THSD7A: variants seen among roughly 807,000 people sequenced by gnomAD.
THSD7A encodes thrombospondin type-1 domain-containing protein 7A.
Under a neutral mutation model 231.3 loss-of-function variants are expected in THSD7A, and 96 were observed. The ratio of observed to expected loss-of-function variants is 0.41; its 90% CI spans 0.35 to 0.49. The LOEUF (loss-of-function observed/expected upper bound fraction) is 0.49. THSD7A is among the 20% of genes least tolerant of loss of function. The pLI, the probability that THSD7A is intolerant of heterozygous loss-of-function variation, is 0.05. For synonymous variants in THSD7A, 940 were observed against 743.3 expected (o/e 1.26, Z -4.30); for missense variants, 2,290 against 2,070.2 (o/e 1.11, Z -2.06).
At position 11,424,720 on chromosome 7, in the gene THSD7A, T is replaced by TCTC. The variant is rs768761187; in HGVS notation, c.3356_3358dup (p.Gly1119dup). ...CCTCACTTTTCGGGTTTGCACGCCC[T>TCTC]CTCCACAGTTCTCCCGCATATTCAC... On this transcript the variant is annotated inframe_insertion, in exon 16 of 28. Coordinates refer to ENST00000423059, the MANE Select transcript of THSD7A (RefSeq NM_015204.3). 22 of 1,613,876 alleles carry TCTC rather than the reference T, an allele frequency of 1.4e-5. No homozygotes were observed. Among genetic ancestry groups the TCTC allele is most frequent in the Non-Finnish European group, 1.9e-5 (22 of 1,179,898 alleles).
chr7:11,379,493 T>A, intron 25 of THSD7A, 137 bp downstream of exon 25: 1 of 914,170 alleles, frequency 1.1e-6, no homozygotes, highest in Non-Finnish European at 1.7e-6. Flanking sequence ...ACTTTTTAGA[T>A]TGATAAAAGG....
At chr7:11,465,749 CTTCT>C (rs781571643) in intron 9 of THSD7A, among the ~76,000 whole-genome samples, 62 of 152,074 alleles carry the variant, frequency 4.1e-4, no homozygotes, top group Non-Finnish European at 3.7e-4. Flanking sequence ...TGCAATATTC[CTTCT>C]ATTTCTCAAC....
At chr7:11,762,935 A>G (rs1428587350) in intron 1 of THSD7A, among the ~76,000 whole-genome samples, 3 of 152,176 alleles carry the variant, frequency 2.0e-5, no homozygotes, top group Non-Finnish European at 4.4e-5. Flanking sequence ...GTCATTTTTC[A>G]CAGAATTAAA....
chr7:11,819,599 G>T (rs1334899498), intron 1 of THSD7A, among the ~76,000 whole-genome samples: 2 of 152,130 alleles, frequency 1.3e-5, no homozygotes, highest in Non-Finnish European at 2.9e-5. Flanking sequence ...ACTATATAAC[G>T]TTCTCCAAAA....
chr7:11,628,560 C>G (rs1446380410), intron 2 of THSD7A, among the ~76,000 whole-genome samples: 1 of 152,152 alleles, frequency 6.6e-6, no homozygotes, highest in Non-Finnish European at 1.5e-5. Context: ...CTTTCTCTCT[C>G]TCTCTCTGTA....
intron 1 of THSD7A, among the ~76,000 whole-genome samples, chr7:11,713,124 T>C (rs539969524): frequency 6.9e-4 from 104 of 151,176 alleles, no homozygotes; most frequent in Non-Finnish European, 1.2e-3. Context: ...TCCAAAGCCA[T>C]GGCTCATTAA....
intron 11 of THSD7A, among the ~76,000 whole-genome samples, chr7:11,458,826 T>C (rs575284285): frequency 6.6e-6 from 1 of 152,286 alleles, no homozygotes; most frequent in South Asian, 2.1e-4. Flanking sequence ...TTTGTACAGA[T>C]TGTGTGTCAA....
At chr7:11,559,978 G>T (rs2354956) in intron 4 of THSD7A, among the ~76,000 whole-genome samples, 73,191 of 151,966 alleles carry the variant, frequency 0.48, 18,037 homozygotes, top group Admixed American at 0.6. Context: ...TTATAAGAAT[G>T]GTTATTGTAT....
At chr7:11,645,689 T>C (rs1326434072) in intron 1 of THSD7A, among the ~76,000 whole-genome samples, 5 of 151,816 alleles carry the variant, frequency 3.3e-5, no homozygotes, top group African/African-American at 9.7e-5. Context: ...TAGATTACAT[T>C]GCTATATTGT....
At chr7:11,647,554 T>C (rs553721568) in intron 1 of THSD7A, among the ~76,000 whole-genome samples, 1 of 152,238 alleles carries the variant, frequency 6.6e-6, no homozygotes, top group African/African-American at 2.4e-5. Context: ...GTGGATTTCA[T>C]TGTCATTGCT....
At chr7:11,380,704 A>G (rs1176568444) in intron 24 of THSD7A, among the ~76,000 whole-genome samples, 1 of 152,220 alleles carries the variant, frequency 6.6e-6, no homozygotes, top group African/African-American at 2.4e-5. Context: ...GCAATTGATC[A>G]AGATAGGTAA....
intron 14 of THSD7A, among the ~76,000 whole-genome samples, chr7:11,428,459 T>C (rs1784386670): frequency 1.3e-5 from 2 of 152,198 alleles, no homozygotes; most frequent in Admixed American, 1.3e-4. Flanking sequence ...TTTGAGGCCA[T>C]CTTTGTATTT....
intron 1 of THSD7A, among the ~76,000 whole-genome samples, chr7:11,732,590 A>C (rs191560607): frequency 6.6e-6 from 1 of 151,878 alleles, no homozygotes; most frequent in Non-Finnish European, 1.5e-5. Context: ...AAAATAAAAC[A>C]TTTACATATA....
chr7:11,519,200 C>T (rs527683284), intron 6 of THSD7A, among the ~76,000 whole-genome samples: 4 of 152,156 alleles, frequency 2.6e-5, no homozygotes, highest in Admixed American at 1.3e-4. Context: ...AAAGCAAACA[C>T]CTGGGTAATC....
intron 1 of THSD7A, among the ~76,000 whole-genome samples, chr7:11,686,334 A>G (rs1388917682): frequency 6.6e-6 from 1 of 151,916 alleles, no homozygotes; most frequent in Non-Finnish European, 1.5e-5. Flanking sequence ...CCCCGAATCT[A>G]AAATTTTAAT....
intron 1 of THSD7A, among the ~76,000 whole-genome samples, chr7:11,815,362 A>T (rs10155884): frequency 0.32 from 49,105 of 151,636 alleles, 8,322 homozygotes; most frequent in East Asian, 0.48. Context: ...CAGAGAAGAG[A>T]TCAGTATAGC....
At chr7:11,468,040 T>C (rs759326561) in intron 9 of THSD7A, among the ~76,000 whole-genome samples, 19 of 152,136 alleles carry the variant, frequency 1.2e-4, no homozygotes, top group Non-Finnish European at 2.5e-4. Flanking sequence ...TTTAAAAGAG[T>C]AATTTACACA....
intron 4 of THSD7A, among the ~76,000 whole-genome samples, chr7:11,546,664 C>A (rs12699211): frequency 1.3e-5 from 2 of 151,952 alleles, no homozygotes; most frequent in African/African-American, 4.8e-5. Context: ...AGCCACAGTG[C>A]CTTATTACAT....
intron 23 of THSD7A, among the ~76,000 whole-genome samples, chr7:11,391,709 C>A (rs1033663717): frequency 7.9e-5 from 12 of 152,190 alleles, no homozygotes; most frequent in African/African-American, 2.7e-4. Flanking sequence ...AATTGCCACC[C>A]AGTTTTGTGG....
Sources: gnomAD v4.1 joint callset for allele counts (sites outside exome capture counted in the v4.1 genomes callset) on GRCh38, gnomAD v4.1.1 for gene constraint, MANE v1.5 for transcripts, NCBI Gene and HGNC (gene_info 2026-07-23, HGNC 2026-07-21) for gene names.